Variants in FRMD3 observed in about 807,000 individuals in gnomAD.
FRMD3 encodes the protein FERM domain containing 3.
In FRMD3, 33 loss-of-function variants were observed where a neutral mutation model predicts 70.2. That is an observed-to-expected ratio of 0.47 (90% confidence interval 0.36 to 0.63). The LOEUF is 0.63. Among genes scored for constraint, FRMD3 ranks in the 20% least tolerant of loss-of-function variants. The probability of loss-of-function intolerance (pLI) is 0.00; values close to 1 mark genes in which losing one functional copy is unlikely to be tolerated. For synonymous variants in FRMD3, 279 were observed against 255.9 expected (o/e 1.09, Z -0.86); for missense variants, 632 against 711.4 (o/e 0.89, Z 1.27).
intron 3 of FRMD3, among the ~76,000 whole-genome samples, chr9:83,355,179 C>T (rs1444980481): frequency 6.6e-6 from 1 of 152,212 alleles, no homozygotes; most frequent in Non-Finnish European, 1.5e-5. Flanking sequence ...CGCAATCCAG[C>T]TTCCATGTGT....
At position 83,246,057 on chromosome 9, in the gene FRMD3, C is replaced by G; in HGVS notation, c.*1861G>C. ...GTCATTTGCTCGACTGCAGGCTTCA[C>G]GAACTGAGTTTCAAAACTCATTTCC... is the stretch of plus-strand genomic sequence containing the variant. On this transcript the variant is annotated 3_prime_UTR_variant, in exon 14 of 14. Transcript: ENST00000304195. The G allele has an allele frequency of 3.0e-6, 3 of 985,320 alleles. No homozygotes were observed. Among genetic ancestry groups the G allele is most frequent in the Non-Finnish European group, 3.6e-6 (3 of 829,928 alleles). The allele number at this position is 985,320 out of a possible 1,614,324, so 61.0% of individuals were successfully genotyped here. A position where few individuals can be genotyped will look rare whatever the true frequency, so the allele number is the denominator to read the frequency against.
At chr9:83,346,755 C>T (rs1366622522) in intron 4 of FRMD3, among the ~76,000 whole-genome samples, 2 of 152,138 alleles carry the variant, frequency 1.3e-5, no homozygotes, top group African/African-American at 4.8e-5. Context: ...ACCTGGAGGG[C>T]TTATGAAAAT....
intron 1 of FRMD3, among the ~76,000 whole-genome samples, chr9:83,518,140 G>C (rs1466267665): frequency 6.6e-6 from 1 of 152,184 alleles, no homozygotes; most frequent in Non-Finnish European, 1.5e-5. Context: ...TCTGGCCAGG[G>C]CAATCAGGCA....
At chr9:83,313,597 CA>C in intron 7 of FRMD3, 62 bp downstream of exon 7, 1 of 1,320,658 alleles carries the variant, frequency 7.6e-7, no homozygotes, top group East Asian at 2.3e-5. Context: ...GGCCTGCGCA[CA>C]GATAAACTCT....
At chr9:83,389,572 G>GA (rs1351573897) in intron 2 of FRMD3, 32 bp downstream of exon 2, 1 of 1,481,700 alleles carries the variant, frequency 6.7e-7, no homozygotes, top group African/African-American at 1.4e-5. Flanking sequence ...GTCACTCCCT[G>GA]AAAATGGCTC....
chr9:83,268,964 T>C (rs10512138), intron 13 of FRMD3, among the ~76,000 whole-genome samples: 32,224 of 152,178 alleles, frequency 0.21, 4,038 homozygotes, highest in African/African-American at 0.35. Flanking sequence ...TTAAAACAGA[T>C]AGACTGACGC....
At chr9:83,544,168 G>A in the FRMD3 span, among the ~76,000 whole-genome samples, 1 of 151,950 alleles carries the variant, frequency 6.6e-6, no homozygotes, top group East Asian at 1.9e-4. Flanking sequence ...GAGAGCCACA[G>A]GAAAGGCATT....
At chr9:83,268,419 A>T (rs1293094632) in intron 13 of FRMD3, among the ~76,000 whole-genome samples, 1 of 152,222 alleles carries the variant, frequency 6.6e-6, no homozygotes, top group Non-Finnish European at 1.5e-5. Flanking sequence ...AATAATCAGA[A>T]ATGCTGACAA....
intron 1 of FRMD3, among the ~76,000 whole-genome samples, chr9:83,470,672 G>C (rs1828247629): frequency 6.6e-6 from 1 of 152,216 alleles, no homozygotes. Context: ...GTCCCGATCA[G>C]AAGGTCTGGA....
chr9:83,271,811 C>G (rs185675511), intron 13 of FRMD3, among the ~76,000 whole-genome samples: 1 of 152,316 alleles, frequency 6.6e-6, no homozygotes, highest in African/African-American at 2.4e-5. Context: ...TAAAAATCCT[C>G]TGGAGAATAC....
intron 1 of FRMD3, among the ~76,000 whole-genome samples, chr9:83,516,324 A>G (rs1398970610): frequency 6.6e-6 from 1 of 152,140 alleles, no homozygotes; most frequent in Non-Finnish European, 1.5e-5. Context: ...TTGCAATCCT[A>G]GTCTCTAATA....
At chr9:83,285,449 T>C (rs892730121) in intron 13 of FRMD3, among the ~76,000 whole-genome samples, 2 of 152,188 alleles carry the variant, frequency 1.3e-5, no homozygotes, top group East Asian at 3.9e-4. Context: ...TTCTGGTGTC[T>C]CCATTGTGCT....
intron 2 of FRMD3, among the ~76,000 whole-genome samples, chr9:83,378,927 T>C (rs147263462): frequency 0.032 from 4,561 of 140,694 alleles, 267 homozygotes; most frequent in African/African-American, 0.11. Flanking sequence ...GGGGTTTCAC[T>C]ATGTAGGCCA....
Position 83,323,203 on chromosome 9 carries a change from T to C in FRMD3, c.597-9456A>G, listed in dbSNP as rs945110565. ...TATATACACAACAGAAATTAGTGCA[T>C]GTTGCACCAAGAAATAGATAGAATT... On this transcript the variant is annotated intron_variant, in intron 6 of 13. Coordinates refer to ENST00000304195, the MANE Select transcript of FRMD3 (RefSeq NM_174938.6). Among the ~76,000 whole-genome samples, 52 of 152,338 alleles carry C rather than the reference T, an allele frequency of 3.4e-4. 1 individual carries two copies. Among genetic ancestry groups the C allele is most frequent in the Admixed American group, 3.3e-3 (51 of 15,302 alleles).
chr9:83,279,590 C>T (rs1367923248), intron 13 of FRMD3: 3 of 152,068 alleles, frequency 2.0e-5, no homozygotes, highest in Non-Finnish European at 4.4e-5. Context: ...AAAAGTGGTA[C>T]ATATATACCA....
chr9:83,473,727 T>G (rs781595312), intron 1 of FRMD3, among the ~76,000 whole-genome samples: 2 of 152,170 alleles, frequency 1.3e-5, no homozygotes, highest in Non-Finnish European at 2.9e-5. Flanking sequence ...TCACCCCCCA[T>G]GAAGGAAAGC....
At chr9:83,272,116 TGTCTCCCTCTCTCTCCACG>T (rs1833578304) in intron 13 of FRMD3, among the ~76,000 whole-genome samples, 1 of 148,710 alleles carries the variant, frequency 6.7e-6, no homozygotes, top group Non-Finnish European at 1.5e-5. Context: ...CTCTCTCCTC[TGTCTCCCTCTCTCTCCACG>T]GTCTCCCTCT....
intron 13 of FRMD3, among the ~76,000 whole-genome samples, chr9:83,260,293 G>A (rs1230291753): frequency 6.6e-6 from 1 of 152,200 alleles, no homozygotes; most frequent in East Asian, 1.9e-4. Flanking sequence ...CACAAAATTA[G>A]GAAGCAACAG....
At chr9:83,337,523 C>T (rs999211640) in intron 5 of FRMD3, among the ~76,000 whole-genome samples, 1 of 152,018 alleles carries the variant, frequency 6.6e-6, no homozygotes, top group South Asian at 2.1e-4. Flanking sequence ...CACAAGCATG[C>T]TAAGGAATAT....
Sources: allele counts gnomAD v4.1 joint callset (sites outside exome capture counted in the v4.1 genomes callset), GRCh38; gene constraint gnomAD v4.1.1; transcripts MANE v1.5; gene names NCBI Gene and HGNC (gene_info 2026-07-23, HGNC 2026-07-21).